The following PCSK2 variants were observed in gnomAD, a reference collection of about 807,000 sequenced individuals.
PCSK2 encodes the protein neuroendocrine convertase 2.
PCSK2 carries 14 observed loss-of-function variants against 69.7 expected under a neutral mutation model. That is an observed-to-expected ratio of 0.20 (90% confidence interval 0.13 to 0.31). PCSK2 has a LOEUF of 0.31. Ranked by LOEUF, PCSK2 falls within the 10% of genes least tolerant of loss-of-function variation. The probability of loss-of-function intolerance (pLI) is 1.00; values close to 1 mark genes in which losing one functional copy is unlikely to be tolerated. For missense variants in PCSK2, 544 were observed against 842.5 expected (o/e 0.65, Z 4.39); for synonymous variants, 307 against 320.7 (o/e 0.96, Z 0.46).
At chr20:17,293,743 A>G (rs1988773526) in intron 2 of PCSK2, among the ~76,000 whole-genome samples, 1 of 152,216 alleles carries the variant, frequency 6.6e-6, no homozygotes, top group Non-Finnish European at 1.5e-5. Flanking sequence ...TAGAATTTTA[A>G]AAATCTATAT....
intron 2 of PCSK2, among the ~76,000 whole-genome samples, chr20:17,327,234 C>A (rs576868259): frequency 6.6e-6 from 1 of 152,162 alleles, no homozygotes; most frequent in Non-Finnish European, 1.5e-5. Flanking sequence ...AGATCAGATC[C>A]CCGACAAATG....
chr20:17,375,472 G>A (rs755424744), intron 5 of PCSK2, among the ~76,000 whole-genome samples: 6 of 152,112 alleles, frequency 3.9e-5, no homozygotes, highest in South Asian at 2.1e-4. Context: ...CCGAGGAAGC[G>A]GCATTTCTGA....
rs149573940 is a variant in PCSK2, at chr20:17,400,832, G to C, written c.544-8431G>C. ...TTTCTTGGGAATGAGTTCATTGCTAGTTTCATACCTCATTCTTTGCCAGAG... is the reference window on the plus strand; with the variant it reads ...TTTCTTGGGAATGAGTTCATTGCTACTTTCATACCTCATTCTTTGCCAGAG... On this transcript the variant is annotated intron_variant, in intron 5 of 11. Coordinates refer to ENST00000262545, the MANE Select transcript of PCSK2 (RefSeq NM_002594.5). Among the ~76,000 whole-genome samples, 1,337 of 152,254 alleles carry C rather than the reference G, an allele frequency of 8.8e-3. 14 individuals are homozygous for C. Among genetic ancestry groups the C allele is most frequent in the South Asian group, 0.036 (174 of 4,824 alleles).
At chr20:17,467,874 A>G (rs1258249059) in intron 11 of PCSK2, among the ~76,000 whole-genome samples, 1 of 152,232 alleles carries the variant, frequency 6.6e-6, no homozygotes, top group African/African-American at 2.4e-5. Context: ...TCTAGCTTAC[A>G]CCTGTAGAAT....
intron 11 of PCSK2, among the ~76,000 whole-genome samples, chr20:17,471,414 C>T (rs1600606467): frequency 6.6e-6 from 1 of 152,222 alleles, no homozygotes; most frequent in East Asian, 1.9e-4. Context: ...TCAGTTGGGG[C>T]CTCCCAATGG....
intron 1 of PCSK2, among the ~76,000 whole-genome samples, chr20:17,235,560 C>T (rs1986308203): frequency 6.6e-6 from 1 of 152,086 alleles, no homozygotes. Flanking sequence ...AAAACATTTG[C>T]AAAGTGTTGT....
intron 6 of PCSK2, among the ~76,000 whole-genome samples, chr20:17,428,516 G>T (rs781208916): frequency 9.9e-5 from 15 of 152,132 alleles, no homozygotes; most frequent in Non-Finnish European, 2.1e-4. Flanking sequence ...ACTAGTTGAT[G>T]CTGCAGAAAT....
chr20:17,453,656 A>G lies in PCSK2; in HGVS notation c.886-86A>G, dbSNP rs2032867124. ...CAGTCTTTAGGTTCAACTGCTGAAG[A>G]AGCCCAACCCCTGGGCTGGAGACCT... On this transcript the variant is annotated intron_variant, in intron 8 of 11. Coordinates refer to ENST00000262545, the MANE Select transcript of PCSK2 (RefSeq NM_002594.5). The surrounding 1 kb of genome is among the most constrained non-coding windows in gnomAD (Gnocchi z 4.0). The G allele has an allele frequency of 1.4e-6, 2 of 1,453,114 alleles. No homozygotes were observed. The allele number at this position is 1,453,114 out of a possible 1,614,324, so 90.0% of individuals were successfully genotyped here.
At chr20:17,424,593 T>C (rs530261003) in intron 6 of PCSK2, among the ~76,000 whole-genome samples, 120 of 151,298 alleles carry the variant, frequency 7.9e-4, no homozygotes, top group African/African-American at 2.7e-3. Context: ...CTCTGGTTCA[T>C]GCGATTCTCC....
intron 11 of PCSK2, among the ~76,000 whole-genome samples, chr20:17,466,704 TAA>T (rs1347682169): frequency 6.6e-6 from 1 of 152,228 alleles, no homozygotes; most frequent in Admixed American, 6.5e-5. Flanking sequence ...ACACAGAACT[TAA>T]GTGTATCATT....
In PCSK2 at chr20:17,334,394, G is replaced by C. The variant is rs142527325; in HGVS notation, c.283-23933G>C. Among the ~76,000 whole-genome samples the C allele has an allele frequency of 5.6e-3, 848 of 152,212 alleles. 2 individuals carry two copies. The highest frequency in any genetic ancestry group is 0.017 in the Middle Eastern group (5 of 294). ...GTACAATGAGAATCAGAAAACAGTG[G>C]GTTAAAATTTACCAATTAACTTGGG... On this transcript the variant is annotated intron_variant, in intron 2 of 11. Coordinates refer to ENST00000262545, the MANE Select transcript of PCSK2 (RefSeq NM_002594.5).
intron 6 of PCSK2, 122 bp from the exon 7 acceptor site, chr20:17,429,313 A>C (rs2032315854): frequency 1.4e-6 from 1 of 719,534 alleles, no homozygotes; most frequent in Non-Finnish European, 2.5e-6. Context: ...TCAGTGACAC[A>C]GGGTTTACTT....
chr20:17,235,681 T>C (rs543543901), intron 1 of PCSK2, among the ~76,000 whole-genome samples: 6 of 152,310 alleles, frequency 3.9e-5, no homozygotes, highest in East Asian at 3.9e-4. Context: ...AAACACAGTG[T>C]CTGGCAAAAC....
intron 2 of PCSK2, among the ~76,000 whole-genome samples, chr20:17,339,761 C>G (rs1990455765): frequency 2.0e-5 from 3 of 152,160 alleles, no homozygotes; most frequent in Admixed American, 2.0e-4. Context: ...ACTGATAAAT[C>G]TGGAACTGCC....
At chr20:17,295,956 G>T (rs1318657488) in intron 2 of PCSK2, among the ~76,000 whole-genome samples, 1 of 152,178 alleles carries the variant, frequency 6.6e-6, no homozygotes, top group Non-Finnish European at 1.5e-5. Context: ...ATCCACAAAT[G>T]TGCTTGTGTG....
intron 5 of PCSK2, among the ~76,000 whole-genome samples, chr20:17,383,898 T>G (rs1454437188): frequency 6.6e-6 from 1 of 152,246 alleles, no homozygotes; most frequent in Non-Finnish European, 1.5e-5. Flanking sequence ...AATCGTGGAT[T>G]CTATCTGTTC....
At chr20:17,282,751 A>G (rs983622576) in intron 2 of PCSK2, among the ~76,000 whole-genome samples, 2 of 144,658 alleles carry the variant, frequency 1.4e-5, no homozygotes, top group African/African-American at 2.6e-5. Context: ...ACACGCTGTG[A>G]AAAAAAAAAA....
rs531271066 is a variant in PCSK2, at chr20:17,444,870, G to C, written c.885+7987G>C. Among the ~76,000 whole-genome samples the C allele has an allele frequency of 5.2e-4, 79 of 152,360 alleles. 1 individual carries two copies. Among genetic ancestry groups the C allele is most frequent in the Non-Finnish European group, 9.0e-4 (61 of 68,032 alleles). ...GGAATAAAACCCATTGATGAGGTTT[G>C]TTCCCAAAACCTTGTAAATGCCCCA... On this transcript the variant is annotated intron_variant, in intron 8 of 11. Transcript: ENST00000262545.
chr20:17,276,724 C>T (rs1988094496), intron 2 of PCSK2, among the ~76,000 whole-genome samples: 1 of 152,066 alleles, frequency 6.6e-6, no homozygotes, highest in Non-Finnish European at 1.5e-5. Context: ...CCAGGGCAAT[C>T]AGGCAGGAGA....
Sources: gnomAD v4.1 joint callset for allele counts (sites outside exome capture counted in the v4.1 genomes callset) on GRCh38, gnomAD v4.1.1 for gene constraint, Gnocchi (gnomAD v3.1) non-coding constraint, MANE v1.5 for transcripts, NCBI Gene and HGNC (gene_info 2026-07-23, HGNC 2026-07-21) for gene names.